The following SRBD1 variants were observed in gnomAD, a reference collection of about 807,000 sequenced individuals.
SRBD1 encodes the protein S1 RNA-binding domain-containing protein 1.
Under a neutral mutation model 115.3 loss-of-function variants are expected in SRBD1, and 88 were observed. The observed-to-expected ratio is 0.76, with a 90% CI of 0.64 to 0.91. The LOEUF (loss-of-function observed/expected upper bound fraction) is 0.91, where lower values mean the gene tolerates loss of function less well. Among genes scored for constraint, SRBD1 ranks in the 40% least tolerant of loss-of-function variants. The pLI, the probability that SRBD1 is intolerant of heterozygous loss-of-function variation, is 0.00. For missense variants in SRBD1, 1,385 were observed against 1,177.4 expected (o/e 1.18, Z -2.58); for synonymous variants, 509 against 407.7 (o/e 1.25, Z -2.99).
intron 4 of SRBD1, among the ~76,000 whole-genome samples, chr2:45,586,296 A>C (rs1572809781): frequency 6.6e-6 from 1 of 152,306 alleles, no homozygotes; most frequent in East Asian, 1.9e-4. Flanking sequence ...TGTCCCTAGC[A>C]GAGTAAAGGT....
intron 16 of SRBD1, among the ~76,000 whole-genome samples, chr2:45,457,988 C>T (rs1001267899): frequency 3.9e-5 from 6 of 151,970 alleles, no homozygotes; most frequent in Non-Finnish European, 5.9e-5. Flanking sequence ...CAGCTCATAT[C>T]TCAAAAAGCA....
intron 16 of SRBD1, among the ~76,000 whole-genome samples, chr2:45,476,020 G>T (rs2103816906): frequency 6.6e-6 from 1 of 152,276 alleles, no homozygotes; most frequent in East Asian, 1.9e-4. Flanking sequence ...TTAGATACCA[G>T]TCATTTCTAT....
In SRBD1 at chr2:45,581,712, A is replaced by G. The variant is rs760036879; in HGVS notation, c.914T>C (p.Phe305Ser). Reference sequence around the variant, plus strand: ...CCTTACCACGTGTTCTAGTTCTTCAAAAGTTTTACAATTCAGCATGGCTTT... The same window carrying G: ...CCTTACCACGTGTTCTAGTTCTTCAGAAGTTTTACAATTCAGCATGGCTTT... ...LLKAMLNCKT[F>S]EELEHVSAPY... The change falls in exon 6 of 21, where the codon TTT (phenylalanine) becomes TCT (serine). Residue 305 changes from phenylalanine to serine, a missense_variant. Coordinates refer to ENST00000263736, the MANE Select transcript of SRBD1 (RefSeq NM_018079.5). 24 of 1,612,984 alleles carry G rather than the reference A, an allele frequency of 1.5e-5. No homozygotes were observed. The highest frequency in any genetic ancestry group is 2.2e-5 in the East Asian group (1 of 44,774).
At chr2:45,528,789 T>C (rs1481161403) in intron 14 of SRBD1, among the ~76,000 whole-genome samples, 3 of 151,780 alleles carry the variant, frequency 2.0e-5, no homozygotes, top group African/African-American at 4.8e-5. Flanking sequence ...GGTACAAGAA[T>C]GCCTAGAAAA....
Position 45,546,762 on chromosome 2 carries a change from T to C in SRBD1, c.1844A>G (p.Asn615Ser). ...AACAACATCCAGTGGTGCAAAATAATTCTTCATTATCAGGTCAGCAAAGTA... is the reference window on the plus strand; with the variant it reads ...AACAACATCCAGTGGTGCAAAATAACTCTTCATTATCAGGTCAGCAAAGTA... ...EAYFADLIMK[N>S]YFAPLDVVYC... The change falls in exon 14 of 21, where the codon AAT (asparagine) becomes AGT (serine). Residue 615 changes from asparagine to serine, a missense_variant. Transcript: ENST00000263736. The C allele has an allele frequency of 1.2e-6, 2 of 1,614,118 alleles. No homozygotes were observed. Among genetic ancestry groups the C allele is most frequent in the Non-Finnish European group, 1.7e-6 (2 of 1,179,988 alleles).
chr2:45,475,353 C>G (rs1001052660), intron 16 of SRBD1, among the ~76,000 whole-genome samples: 1 of 152,202 alleles, frequency 6.6e-6, no homozygotes, highest in African/African-American at 2.4e-5. Flanking sequence ...TGCTTCTCTT[C>G]TTCCTAAGTC....
chr2:45,452,322 G>C (rs1456795750), intron 16 of SRBD1, among the ~76,000 whole-genome samples: 2 of 151,870 alleles, frequency 1.3e-5, no homozygotes, highest in Non-Finnish European at 2.9e-5. Context: ...AAGCCAAATT[G>C]TGATTCTCTG....
At chr2:45,456,001 A>G (rs1669140666) in intron 16 of SRBD1, among the ~76,000 whole-genome samples, 1 of 151,872 alleles carries the variant, frequency 6.6e-6, no homozygotes. Context: ...AATAAACACT[A>G]TATGTTTTAT....
chr2:45,459,217 T>C (rs1281491275), intron 16 of SRBD1, among the ~76,000 whole-genome samples: 1 of 152,196 alleles, frequency 6.6e-6, no homozygotes, highest in Non-Finnish European at 1.5e-5. Flanking sequence ...TTACAAAAAA[T>C]TCTGTAGGTA....
At chr2:45,554,838 C>T (rs1672422039) in intron 10 of SRBD1, among the ~76,000 whole-genome samples, 1 of 152,156 alleles carries the variant, frequency 6.6e-6, no homozygotes, top group African/African-American at 2.4e-5. Context: ...GACCCTGTTA[C>T]TAGATTATAG....
In SRBD1 at chr2:45,415,986, T is replaced by C. The variant is rs550997185; in HGVS notation, c.2333+2379A>G. Among the ~76,000 whole-genome samples, 72 of 151,988 alleles carry C rather than the reference T, an allele frequency of 4.7e-4. 2 individuals carry two copies. In the Middle Eastern group the frequency reaches 0.01, roughly 22 times the overall value. On this transcript the variant is annotated intron_variant, in intron 18 of 20. Transcript: ENST00000263736. Reference sequence around the variant, plus strand: ...TAAGGATGATCATAAGAATAGAAGATGTACAACTTTGAAATCACTAAGGAG... The same window carrying C: ...TAAGGATGATCATAAGAATAGAAGACGTACAACTTTGAAATCACTAAGGAG...
At chr2:45,577,808 C>T (rs533630625) in intron 7 of SRBD1, among the ~76,000 whole-genome samples, 14 of 151,936 alleles carry the variant, frequency 9.2e-5, no homozygotes, top group African/African-American at 2.9e-4. Flanking sequence ...AAAGAGAAAA[C>T]ATTCCTATCA....
At chr2:45,474,833 T>A (rs897153051) in intron 16 of SRBD1, among the ~76,000 whole-genome samples, 6 of 152,196 alleles carry the variant, frequency 3.9e-5, no homozygotes, top group Admixed American at 3.3e-4. Flanking sequence ...CATGCTGTTA[T>A]CAATTTATTC....
intron 14 of SRBD1, among the ~76,000 whole-genome samples, chr2:45,543,142 A>T (rs938794838): frequency 6.6e-6 from 1 of 152,234 alleles, no homozygotes; most frequent in Non-Finnish European, 1.5e-5. Flanking sequence ...TTTCATGAAC[A>T]TTTCAACTTC....
At chr2:45,424,027 C>T (rs1178593155) in intron 16 of SRBD1, among the ~76,000 whole-genome samples, 3 of 152,070 alleles carry the variant, frequency 2.0e-5, no homozygotes, top group Non-Finnish European at 2.9e-5. Flanking sequence ...AATACTTCAG[C>T]GTATAGTTCC....
At chr2:45,539,814 C>A (rs773211076) in intron 14 of SRBD1, among the ~76,000 whole-genome samples, 13 of 152,020 alleles carry the variant, frequency 8.6e-5, no homozygotes, top group Non-Finnish European at 1.8e-4. Flanking sequence ...AAAAGCTTAC[C>A]TTAAGAACTG....
At chr2:45,509,721 C>G (rs1001131395) in intron 14 of SRBD1, among the ~76,000 whole-genome samples, 23 of 152,056 alleles carry the variant, frequency 1.5e-4, no homozygotes, top group Non-Finnish European at 2.9e-4. Context: ...AGGTTTGTCT[C>G]CAGATATTTT....
intron 16 of SRBD1, among the ~76,000 whole-genome samples, chr2:45,470,642 T>C (rs1385643737): frequency 6.6e-6 from 1 of 152,188 alleles, no homozygotes; most frequent in Non-Finnish European, 1.5e-5. Flanking sequence ...TTTCAGGATA[T>C]GACAAGGCCA....
chr2:45,595,277 AC>A (rs1394219968), intron 4 of SRBD1, among the ~76,000 whole-genome samples: 1 of 152,270 alleles, frequency 6.6e-6, no homozygotes, highest in Non-Finnish European at 1.5e-5. Flanking sequence ...ACGGAAAAAA[AC>A]AGAGGACCAA....
Sources: allele counts gnomAD v4.1 joint callset (sites outside exome capture counted in the v4.1 genomes callset), GRCh38; gene constraint gnomAD v4.1.1; transcripts MANE v1.5; gene names NCBI Gene and HGNC (gene_info 2026-07-23, HGNC 2026-07-21).